The following CHRDL2 variants were observed in gnomAD, a reference collection of about 807,000 sequenced individuals.
CHRDL2 encodes chordin-like protein 2.
Under a neutral mutation model 54.3 loss-of-function variants are expected in CHRDL2, and 41 were observed. That is an observed-to-expected ratio of 0.76 (90% confidence interval 0.59 to 0.98). The LOEUF (loss-of-function observed/expected upper bound fraction) is 0.98. Ranked by LOEUF, CHRDL2 falls within the 50% of genes least tolerant of loss-of-function variation. CHRDL2 has a pLI of 0.00. For missense variants in CHRDL2, 518 were observed against 562.4 expected, an observed-to-expected ratio of 0.92 and a Z score of 0.80; for synonymous variants, 220 against 224.3, an observed-to-expected ratio of 0.98 and a Z score of 0.17.
chr11:74,730,376 G>T (rs2034632943), intron 1 of CHRDL2, among the ~76,000 whole-genome samples: 1 of 152,222 alleles, frequency 6.6e-6, no homozygotes, highest in Non-Finnish European at 1.5e-5. Context: ...CTGGAGAGTT[G>T]CGAGGATCAA....
chr11:74,705,145 C>T (rs1199261346), intron 6 of CHRDL2, among the ~76,000 whole-genome samples: 2 of 152,170 alleles, frequency 1.3e-5, no homozygotes, highest in Non-Finnish European at 2.9e-5. Context: ...AGACCAAGAG[C>T]AGGCCCCATC....
intron 3 of CHRDL2, among the ~76,000 whole-genome samples, chr11:74,711,369 G>T (rs1235519894): frequency 2.0e-5 from 3 of 152,250 alleles, no homozygotes. Flanking sequence ...CACTGTTCTA[G>T]GTGCTGGGGA....
At chr11:74,716,954 C>T (rs1445359208) in intron 2 of CHRDL2, among the ~76,000 whole-genome samples, 1 of 152,062 alleles carries the variant, frequency 6.6e-6, no homozygotes, top group Admixed American at 6.6e-5. Context: ...ATTAGCTGGG[C>T]ATGGTGGCAC....
At chr11:74,716,640 G>A (rs2034363822) in intron 2 of CHRDL2, among the ~76,000 whole-genome samples, 1 of 150,580 alleles carries the variant, frequency 6.6e-6, no homozygotes, top group Non-Finnish European at 1.5e-5. Flanking sequence ...TAGGTCCAAT[G>A]AAAAGCTATT....
At chr11:74,721,570 C>T (rs1182274346) in intron 1 of CHRDL2, among the ~76,000 whole-genome samples, 1 of 152,228 alleles carries the variant, frequency 6.6e-6, no homozygotes. Flanking sequence ...TGGCCTGGAG[C>T]TCTCTCTTCC....
At chr11:74,722,814 G>A (rs1157975663) in intron 1 of CHRDL2, among the ~76,000 whole-genome samples, 1 of 152,168 alleles carries the variant, frequency 6.6e-6, no homozygotes, top group Non-Finnish European at 1.5e-5. Flanking sequence ...CAGACCTTGG[G>A]CGGGGATACA....
chr11:74,716,158 G>A (rs2034345076), intron 2 of CHRDL2, among the ~76,000 whole-genome samples: 1 of 152,164 alleles, frequency 6.6e-6, no homozygotes, highest in South Asian at 2.1e-4. Context: ...CCAAGTGGAG[G>A]AAACAAGTTG....
intron 5 of CHRDL2, 147 bp from the exon 6 acceptor site, chr11:74,706,689 C>A: frequency 1.4e-6 from 1 of 693,460 alleles, no homozygotes; most frequent in Non-Finnish European, 2.5e-6. Context: ...TCCTTTGCCC[C>A]AGTGGGGACT....
intron 3 of CHRDL2, among the ~76,000 whole-genome samples, chr11:74,713,001 G>T (rs2034244190): frequency 6.6e-6 from 1 of 152,112 alleles, no homozygotes; most frequent in Non-Finnish European, 1.5e-5. Flanking sequence ...TGGTAATTCT[G>T]GGGTCTCCCC....
chr11:74,706,630 C>A, intron 5 of CHRDL2, 88 bp from the exon 6 acceptor site: 1 of 1,272,932 alleles, frequency 7.9e-7, no homozygotes, highest in South Asian at 1.2e-5. Context: ...AGGCTCTGTC[C>A]ATTCCCAAGG....
At chr11:74,697,342 C>T (rs761133649) in intron 9 of CHRDL2, 45 bp from the exon 10 acceptor site, 1 of 1,422,556 alleles carries the variant, frequency 7.0e-7, no homozygotes, top group Non-Finnish European at 9.9e-7. Flanking sequence ...CAAAAACCTA[C>T]AGTCGGTGAA....
At chr11:74,709,081 C>A (rs2034105890) in intron 4 of CHRDL2, among the ~76,000 whole-genome samples, 1 of 152,228 alleles carries the variant, frequency 6.6e-6, no homozygotes, top group African/African-American at 2.4e-5. Flanking sequence ...TCCCTGTTCC[C>A]TTTCCAGAGG....
At chr11:74,703,160 C>G (rs2033886429) in intron 8 of CHRDL2, 145 bp downstream of exon 8, 1 of 1,084,668 alleles carries the variant, frequency 9.2e-7, no homozygotes, top group South Asian at 1.6e-5. Flanking sequence ...TTTTCCACTC[C>G]TGTGTGTCTG....
In CHRDL2 at chr11:74,718,852, C is replaced by T; in HGVS notation, c.83-20G>A. 1 of 1,495,862 alleles carries T rather than the reference C, an allele frequency of 6.7e-7. No individual in the cohort carries two copies. The highest frequency in any genetic ancestry group is 9.2e-7 in the Non-Finnish European group (1 of 1,081,564). 92.7% of individuals were successfully genotyped at this position (1,495,862 alleles called of 1,614,324 possible). A position where few individuals can be genotyped will look rare whatever the true frequency, so the allele number is the denominator to read the frequency against. On this transcript the variant is annotated intron_variant, in intron 1 of 10. Coordinates refer to ENST00000376332, the MANE Select transcript of CHRDL2 (RefSeq NM_001278473.3). ...CTGGGCCTGGCAAACCGACCAGTGC[C>T]ATGTTAGTCCCAGGAGGCTCCAGCC...
In CHRDL2 at chr11:74,701,530, G is replaced by GC. The variant is rs2033810284; in HGVS notation, c.1120+1263dup. Reference sequence around the variant, plus strand: ...CTCCTACGACAGGGGGCAGAGTAGAGCAGGGAAAGAGCCGCATCTGACGCC... The same window carrying GC: ...CTCCTACGACAGGGGGCAGAGTAGAGCCAGGGAAAGAGCCGCATCTGACGCC... On this transcript the variant is annotated intron_variant, in intron 9 of 10. Transcript: ENST00000376332. 9 of 709,344 alleles carry GC rather than the reference G, an allele frequency of 1.3e-5. No homozygotes were observed. The Admixed American group carries it at 1.8e-4, about 14-fold the overall frequency. The allele number at this position is 709,344 out of a possible 1,614,324, so 43.9% of individuals were successfully genotyped here.
intron 1 of CHRDL2, 99 bp downstream of exon 1, chr11:74,730,708 C>T (rs1292118051): frequency 1.8e-6 from 2 of 1,137,322 alleles, no homozygotes; most frequent in Non-Finnish European, 2.6e-6. Flanking sequence ...GCTGCCTGGA[C>T]GGCTGTCAGA....
chr11:74,720,731 G>A (rs914612317), intron 1 of CHRDL2, among the ~76,000 whole-genome samples: 1 of 152,222 alleles, frequency 6.6e-6, no homozygotes, highest in Non-Finnish European at 1.5e-5. Flanking sequence ...GGGTGAGCGG[G>A]GAGCTCACAT....
Position 74,730,829 on chromosome 11 carries a change from G to A in CHRDL2, c.60C>T (p.Pro20=), listed in dbSNP as rs2034641304. 1 of 1,612,636 alleles carries A rather than the reference G, an allele frequency of 6.2e-7. No homozygotes were observed. Among genetic ancestry groups the A allele is most frequent in the Admixed American group, 1.7e-5 (1 of 59,852 alleles). ...TACGGGCTCGAGCGTGGGAGTCCAG[G>A]GGGAACCAGAGCAGCGCGAGTCCCA... ...SLLGLALLWF[P]LDSHARARPD... is the part of the protein sequence containing the mutation. The change falls in exon 1 of 11, where the codon CCC becomes CCT. Residue 20 remains proline (P), a synonymous_variant. Coordinates refer to ENST00000376332, the MANE Select transcript of CHRDL2 (RefSeq NM_001278473.3).
chr11:74,729,834 T>A (rs1248041783), intron 1 of CHRDL2, among the ~76,000 whole-genome samples: 1 of 152,140 alleles, frequency 6.6e-6, no homozygotes, highest in Non-Finnish European at 1.5e-5. Context: ...TCTAAGAGAT[T>A]GGCTGGGCAT....
Sources: gnomAD v4.1 joint callset for allele counts (sites outside exome capture counted in the v4.1 genomes callset) on GRCh38, gnomAD v4.1.1 for gene constraint, MANE v1.5 for transcripts, NCBI Gene and HGNC (gene_info 2026-07-23, HGNC 2026-07-21) for gene names.